Variants in IQCM observed in about 807,000 individuals in gnomAD.
IQCM encodes the protein IQ motif containing M.
Under a neutral mutation model 57.6 loss-of-function variants are expected in IQCM, and 45 were observed. The observed-to-expected ratio is 0.78, with a 90% CI of 0.62 to 1.00. The LOEUF (loss-of-function observed/expected upper bound fraction) is 1.00, where lower values mean the gene tolerates loss of function less well. IQCM is among the 50% of genes least tolerant of loss of function. IQCM has a pLI of 0.00. For synonymous variants in IQCM, 148 were observed against 158.9 expected, an observed-to-expected ratio of 0.93 and a Z score of 0.51; for missense variants, 468 against 511.6, an observed-to-expected ratio of 0.91 and a Z score of 0.82.
intron 13 of IQCM, among the ~76,000 whole-genome samples, chr4:149,425,231 T>TA (rs1261988948): frequency 1.3e-5 from 2 of 152,014 alleles, no homozygotes; most frequent in African/African-American, 4.8e-5. Flanking sequence ...ATAGTAATTT[T>TA]ATCCATCAGG....
At chr4:149,607,101 CA>C (rs1267809613) in intron 8 of IQCM, among the ~76,000 whole-genome samples, 2 of 151,618 alleles carry the variant, frequency 1.3e-5, no homozygotes, top group African/African-American at 2.4e-5. Flanking sequence ...GTAAGACTAC[CA>C]CAAGGCATAT....
intron 2 of IQCM, among the ~76,000 whole-genome samples, chr4:149,745,447 A>G (rs1767838069): frequency 6.6e-6 from 1 of 152,164 alleles, no homozygotes; most frequent in Admixed American, 6.5e-5. Flanking sequence ...TAATTATGGC[A>G]ACAGCATACT....
At chr4:149,457,956 A>T (rs17026264) in intron 12 of IQCM, among the ~76,000 whole-genome samples, 3,201 of 152,082 alleles carry the variant, frequency 0.021, 110 homozygotes, top group African/African-American at 0.073. Context: ...TATGCACATC[A>T]GTAAAGGTGA....
intron 12 of IQCM, among the ~76,000 whole-genome samples, chr4:149,542,613 G>A (rs6844299): frequency 1.3e-5 from 2 of 151,722 alleles, no homozygotes; most frequent in Admixed American, 6.6e-5. Flanking sequence ...TATGATAATC[G>A]AAAGGGATGA....
intron 13 of IQCM, among the ~76,000 whole-genome samples, chr4:149,387,282 CTAAT>C (rs897952375): frequency 2.0e-5 from 3 of 151,988 alleles, no homozygotes; most frequent in African/African-American, 7.2e-5. Context: ...TCCTCATGAC[CTAAT>C]CATCTCCCAA....
chr4:149,592,634 A>G (rs1315988158), intron 8 of IQCM, among the ~76,000 whole-genome samples: 1 of 150,428 alleles, frequency 6.6e-6, no homozygotes, highest in Non-Finnish European at 1.5e-5. Flanking sequence ...TAATTTTTGT[A>G]TAAGGTGTAA....
chr4:149,501,292 T>C (rs1304634064), intron 12 of IQCM, among the ~76,000 whole-genome samples: 1 of 152,248 alleles, frequency 6.6e-6, no homozygotes, highest in African/African-American at 2.4e-5. Context: ...TTTAGCCATT[T>C]AGATGGTTCT....
At chr4:149,599,381 T>C (rs1754063628) in intron 8 of IQCM, among the ~76,000 whole-genome samples, 1 of 151,986 alleles carries the variant, frequency 6.6e-6, no homozygotes, top group Non-Finnish European at 1.5e-5. Context: ...AACAAGACAC[T>C]AACTAGGAAT....
intron 2 of IQCM, among the ~76,000 whole-genome samples, chr4:149,812,482 A>T (rs28722481): frequency 0.024 from 3,017 of 126,414 alleles, 92 homozygotes; most frequent in East Asian, 0.15. Flanking sequence ...TCTCTCTCTC[A>T]CACACACACA....
In IQCM at chr4:149,626,392, C is replaced by CATATATAT. The variant is rs371051488; in HGVS notation, c.566-5156_566-5149dup. ...GATTGTGTTAGTTATACTTAATAAACATATATATATATAAGTTTATAGCAA... is the reference window on the plus strand; with the variant it reads ...GATTGTGTTAGTTATACTTAATAAACATATATATATATATATATATAAGTTTATAGCAA... On this transcript the variant is annotated intron_variant, in intron 7 of 13. Coordinates refer to ENST00000636793, the MANE Select transcript of IQCM (RefSeq NM_001363507.2). Among the ~76,000 whole-genome samples the CATATATAT allele has an allele frequency of 7.5e-4, 91 of 120,558 alleles. 6 individuals carry two copies. In the East Asian group the frequency reaches 8.7e-3, roughly 12 times the overall value. The allele number at this position is 120,558 out of a possible 152,430, so 79.1% of individuals were successfully genotyped here.
At chr4:149,787,177 G>T (rs1327134278) in intron 2 of IQCM, among the ~76,000 whole-genome samples, 1 of 152,052 alleles carries the variant, frequency 6.6e-6, no homozygotes, top group Non-Finnish European at 1.5e-5. Flanking sequence ...GCCTGTTGGG[G>T]GATGGGGGTG....
At chr4:149,662,990 T>C (rs1760359410) in intron 7 of IQCM, among the ~76,000 whole-genome samples, 1 of 151,998 alleles carries the variant, frequency 6.6e-6, no homozygotes, top group Non-Finnish European at 1.5e-5. Context: ...TCCTCTTTTG[T>C]TGTTTACCTC....
intron 9 of IQCM, among the ~76,000 whole-genome samples, chr4:149,585,174 T>A (rs1289907913): frequency 6.6e-6 from 1 of 151,734 alleles, no homozygotes; most frequent in Non-Finnish European, 1.5e-5. Flanking sequence ...ATGTGTGACA[T>A]ATTTTTACCC....
At chr4:149,666,817 C>T (rs1258634564) in intron 7 of IQCM, among the ~76,000 whole-genome samples, 1 of 152,060 alleles carries the variant, frequency 6.6e-6, no homozygotes, top group Non-Finnish European at 1.5e-5. Flanking sequence ...CCCAGAAATT[C>T]AGATTGGGTG....
chr4:149,531,216 C>G (rs796408943), intron 12 of IQCM, among the ~76,000 whole-genome samples: 1 of 152,026 alleles, frequency 6.6e-6, no homozygotes, highest in African/African-American at 2.4e-5. Context: ...TTGTTATATG[C>G]GTAAACTCAT....
chr4:149,710,501 T>G (rs1013763675), intron 5 of IQCM, among the ~76,000 whole-genome samples: 8 of 152,166 alleles, frequency 5.3e-5, no homozygotes, highest in Middle Eastern at 3.4e-3. Flanking sequence ...AAACAGGCAA[T>G]CCATGCCCAT....
chr4:149,371,200 A>G (rs1730344843), intron 13 of IQCM, among the ~76,000 whole-genome samples: 1 of 152,164 alleles, frequency 6.6e-6, no homozygotes, highest in African/African-American at 2.4e-5. Context: ...AATTACCACT[A>G]GATGTCACCC....
chr4:149,364,491 C>T (rs1341078850), intron 13 of IQCM, among the ~76,000 whole-genome samples: 2 of 151,976 alleles, frequency 1.3e-5, no homozygotes, highest in Non-Finnish European at 2.9e-5. Flanking sequence ...GGAATTATAG[C>T]AGATATTAAG....
intron 12 of IQCM, among the ~76,000 whole-genome samples, chr4:149,455,330 T>C (rs1003755553): frequency 6.6e-6 from 1 of 152,004 alleles, no homozygotes; most frequent in Non-Finnish European, 1.5e-5. Context: ...AGGCAGAATG[T>C]TGTGGGGGAA....
Sources: gnomAD v4.1 joint callset for allele counts (sites outside exome capture counted in the v4.1 genomes callset) on GRCh38, gnomAD v4.1.1 for gene constraint, MANE v1.5 for transcripts, NCBI Gene and HGNC (gene_info 2026-07-23, HGNC 2026-07-21) for gene names.